The following TBX6 variants were observed in gnomAD, a reference collection of about 807,000 sequenced individuals.
TBX6 encodes the protein T-box transcription factor 6, also known as T-box transcription factor TBX6.
Under a neutral mutation model 42.3 loss-of-function variants are expected in TBX6, and 29 were observed. The ratio of observed to expected loss-of-function variants is 0.69; its 90% CI spans 0.51 to 0.93. The LOEUF is 0.93. TBX6 is among the 40% of genes least tolerant of loss of function. TBX6 has a pLI of 0.00. For missense variants in TBX6, 569 were observed against 603.3 expected, an observed-to-expected ratio of 0.94 and a Z score of 0.59; for synonymous variants, 249 against 245.1, an observed-to-expected ratio of 1.02 and a Z score of -0.15.
Position 30,088,487 on chromosome 16 carries a change from A to G in TBX6, c.839+58T>C. 1 of 1,609,852 alleles carries G rather than the reference A, an allele frequency of 6.2e-7. No homozygotes were observed. The highest frequency in any genetic ancestry group is 1.1e-5 in the South Asian group (1 of 90,986). ...ATGTCCAGCACGGTGCCTGGCACAC[A>G]GTGAGTGATTAATAAACATTTGTTG... On this transcript the variant is annotated intron_variant, in intron 6 of 8. Transcript: ENST00000395224. The surrounding 1 kb of genome is among the most constrained non-coding windows in gnomAD (Gnocchi z 4.1).
chr16:30,089,292 A>G (rs1201221409), intron 3 of TBX6, 82 bp from the exon 4 acceptor site: 14 of 1,517,746 alleles, frequency 9.2e-6, no homozygotes, highest in Non-Finnish European at 1.2e-5. Context: ...GGACATAACA[A>G]CGGGCTCCCC....
At position 30,086,260 on chromosome 16, in the gene TBX6, C is replaced by T. The variant is rs776999739; in HGVS notation, c.1276G>A (p.Gly426Ser). 2.6e-5 allele frequency: 42 copies of T among 1,611,972 alleles called. No individual in the cohort carries two copies. In the Middle Eastern group the frequency reaches 8.1e-4, roughly 31 times the overall value. Reference protein sequence around the residue: ...PFPLPYTAPGGYLDVGSKPMY With the variant: ...PFPLPYTAPGSYLDVGSKPMY ...GGTTTGGAGCCCACATCCAGATAGC[C>T]CCCAGGCGCGGTGTATGGTAGAGGG... Residue 426 changes from glycine to serine, a missense_variant, in exon 9 of 9, where the codon GGC (glycine) becomes AGC (serine). This residue lies in a region of TBX6 where 245 missense variants were observed against 227.4 expected (regional missense o/e 1.08). Coordinates refer to ENST00000395224, the MANE Select transcript of TBX6 (RefSeq NM_004608.4). This position sits in a 1 kb window ranked among gnomAD's most constrained non-coding sequence, Gnocchi z 4.6.
At chr16:30,091,051 C>T (rs779450672) in intron 2 of TBX6, 25 bp downstream of exon 2, 1 of 1,589,688 alleles carries the variant, frequency 6.3e-7, no homozygotes, top group East Asian at 2.3e-5. Context: ...TATTCTCCTA[C>T]CCAGGAGCTG....
At position 30,085,866 on chromosome 16, in the gene TBX6, C is replaced by G; in HGVS notation, c.*359G>C. ...GTCCCAGAACAACAGACTGGTGTGG[C>G]CTGCACCAGTGTGTGTGGGGGGGTG... On this transcript the variant is annotated 3_prime_UTR_variant, in exon 9 of 9. Transcript: ENST00000395224. The G allele has an allele frequency of 3.2e-6, 1 of 316,310 alleles. No individual in the cohort carries two copies. 19.6% of individuals were successfully genotyped at this position (316,310 alleles called of 1,614,324 possible). A position where few individuals can be genotyped will look rare whatever the true frequency, so the allele number is the denominator to read the frequency against.
chr16:30,089,270 G>C, intron 3 of TBX6, 60 bp from the exon 4 acceptor site: 1 of 1,564,584 alleles, frequency 6.4e-7, no homozygotes, highest in Non-Finnish European at 8.7e-7. Context: ...GGTGGGCCCA[G>C]CACCAGTAAC....
rs770702951 is a variant in TBX6 at position 30,085,950 on chromosome 16, G to A, written c.*275C>T. On this transcript the variant is annotated 3_prime_UTR_variant, in exon 9 of 9. Coordinates refer to ENST00000395224, the MANE Select transcript of TBX6 (RefSeq NM_004608.4). ...CTGGTAAGTGGGGATGCTGGTCTGT[G>A]GCCCCATTTGGCCAGGCAGAGCCCC... is the stretch of plus-strand genomic sequence containing the variant. The A allele has an allele frequency of 1.1e-5, 5 of 465,330 alleles. No individual in the cohort carries two copies. The highest frequency in any genetic ancestry group is 1.9e-5 in the Non-Finnish European group (5 of 262,376). The allele number at this position is 465,330 out of a possible 1,614,324, so 28.8% of individuals were successfully genotyped here.
intron 6 of TBX6, among the ~76,000 whole-genome samples, chr16:30,087,444 C>T (rs751494270): frequency 5.3e-5 from 8 of 152,122 alleles, no homozygotes; most frequent in Non-Finnish European, 1.2e-4. Context: ...CCCTGACCTC[C>T]GAGAGCACAC....
chr16:30,087,254 T>C (rs1201997367), intron 6 of TBX6, among the ~76,000 whole-genome samples: 1 of 152,076 alleles, frequency 6.6e-6, no homozygotes, highest in African/African-American at 2.4e-5. Context: ...GATGGGGTCT[T>C]GCTATGTTGC....
At chr16:30,090,690 C>T (rs2151033580) in intron 3 of TBX6, 68 bp downstream of exon 3, 1 of 1,486,042 alleles carries the variant, frequency 6.7e-7, no homozygotes, top group Non-Finnish European at 9.0e-7. Flanking sequence ...GTCCTAGCCC[C>T]CTCCCCAGGG....
rs1046114699 is a variant in TBX6, at chr16:30,088,497, T to A, written c.839+48A>T. On this transcript the variant is annotated intron_variant, in intron 6 of 8. Coordinates refer to ENST00000395224, the MANE Select transcript of TBX6 (RefSeq NM_004608.4). The surrounding 1 kb of genome is among the most constrained non-coding windows in gnomAD (Gnocchi z 4.1). ...CGGTGCCTGGCACACAGTGAGTGAT[T>A]AATAAACATTTGTTGAATGCATGAA... 3 of 1,612,754 alleles carry A rather than the reference T, an allele frequency of 1.9e-6. No homozygotes were observed. The highest frequency in any genetic ancestry group is 3.3e-4 in the Middle Eastern group (2 of 6,056).
Position 30,091,217 on chromosome 16 carries a change from G to T in TBX6, c.-24C>A, listed in dbSNP as rs1183481025. 3.3e-6 allele frequency: 5 copies of T among 1,527,374 alleles called. No individual in the cohort carries two copies. The highest frequency in any genetic ancestry group is 4.4e-6 in the Non-Finnish European group (5 of 1,137,336). 94.6% of individuals were successfully genotyped at this position (1,527,374 alleles called of 1,614,324 possible). On this transcript the variant is annotated 5_prime_UTR_variant, in exon 2 of 9. Transcript: ENST00000395224. ...ATGTTGTAGTTCCGTCTGGCCTCAGGTCTCGCTGCTTAGGGCCCCCGGTGC... is the reference window on the plus strand; with the variant it reads ...ATGTTGTAGTTCCGTCTGGCCTCAGTTCTCGCTGCTTAGGGCCCCCGGTGC...
Position 30,088,724 on chromosome 16 carries a change from A to G in TBX6, c.737T>C (p.Phe246Ser). Residue 246 changes from phenylalanine (F) to serine (S), a missense_variant, in exon 5 of 9, where the codon TTC (phenylalanine) becomes TCC (serine). Coordinates refer to ENST00000395224, the MANE Select transcript of TBX6 (RefSeq NM_004608.4). This position sits in a 1 kb window ranked among gnomAD's most constrained non-coding sequence, Gnocchi z 4.1. The stretch of plus-strand genomic sequence containing the variant: ...GTTCTGGTAGGCTGTCACGGAGATG[A>G]ATGTGGTCTCGGGGAAGCGGAAGGA... ...MASFRFPETT[F>S]ISVTAYQNPQ... is the part of the protein sequence containing the mutation. 1 of 1,613,996 alleles carries G rather than the reference A, an allele frequency of 6.2e-7. No homozygotes were observed. The highest frequency in any genetic ancestry group is 1.3e-5 in the African/African-American group (1 of 75,016).
chr16:30,086,449 G>C lies in TBX6; in HGVS notation c.1098-11C>G. 1 of 1,503,022 alleles carries C rather than the reference G, an allele frequency of 6.7e-7. No homozygotes were observed. The highest frequency in any genetic ancestry group is 8.8e-7 in the Non-Finnish European group (1 of 1,130,178). The allele number at this position is 1,503,022 out of a possible 1,614,324, so 93.1% of individuals were successfully genotyped here. A position where few individuals can be genotyped will look rare whatever the true frequency, so the allele number is the denominator to read the frequency against. ...GGGAAGCTGGGGCTCCTGACATGGA[G>C]AGAGGGATGTCAGAGCAGGGCAGAG... On this transcript the variant is annotated splice_polypyrimidine_tract_variant and intron_variant, in intron 8 of 8. Coordinates refer to ENST00000395224, the MANE Select transcript of TBX6 (RefSeq NM_004608.4). The surrounding 1 kb of genome is among the most constrained non-coding windows in gnomAD (Gnocchi z 4.6).
rs755612708 is a variant in TBX6, at chr16:30,088,932, C to T, written c.621+11G>A. 3.1e-6 allele frequency: 5 copies of T among 1,604,566 alleles called. No individual in the cohort carries two copies. The African/African-American group carries it at 5.3e-5, about 17-fold the overall frequency. On this transcript the variant is annotated intron_variant, in intron 4 of 8. Coordinates refer to ENST00000395224, the MANE Select transcript of TBX6 (RefSeq NM_004608.4). This position sits in a 1 kb window ranked among gnomAD's most constrained non-coding sequence, Gnocchi z 4.1. ...CCCAACCCTATCCTGGAGTCCCAGCCTGGGCCTCACGTGGCCGTGGGGGTC... is the reference window on the plus strand; with the variant it reads ...CCCAACCCTATCCTGGAGTCCCAGCTTGGGCCTCACGTGGCCGTGGGGGTC...
In TBX6 at chr16:30,088,382, T is replaced by C. The variant is rs2072671007; in HGVS notation, c.839+163A>G. On this transcript the variant is annotated intron_variant, in intron 6 of 8. Transcript: ENST00000395224. This position sits in a 1 kb window ranked among gnomAD's most constrained non-coding sequence, Gnocchi z 4.1. ...TTGTTTTATCTCCAGTGCCTGGAAC[T>C]GTCCCTGGCACATAGCAGGTACTAT... The C allele has an allele frequency of 1.0e-6, 1 of 988,894 alleles. No individual in the cohort carries two copies. The highest frequency in any genetic ancestry group is 1.5e-6 in the Non-Finnish European group (1 of 655,072). 61.3% of individuals were successfully genotyped at this position (988,894 alleles called of 1,614,324 possible).
At chr16:30,089,684 C>T (rs1325673548) in intron 3 of TBX6, among the ~76,000 whole-genome samples, 1 of 151,980 alleles carries the variant, frequency 6.6e-6, no homozygotes, top group Non-Finnish European at 1.5e-5. Context: ...GTAATCTCAG[C>T]ACTTTAGGAA....
rs2072618679 is a variant in TBX6, at chr16:30,085,949, T to C, written c.*276A>G. 2.2e-6 allele frequency: 1 copy of C among 461,168 alleles called. No individual in the cohort carries two copies. Among genetic ancestry groups the C allele is most frequent in the Non-Finnish European group, 3.9e-6 (1 of 259,726 alleles). The allele number at this position is 461,168 out of a possible 1,614,324, so 28.6% of individuals were successfully genotyped here. A position where few individuals can be genotyped will look rare whatever the true frequency, so the allele number is the denominator to read the frequency against. ...CCTGGTAAGTGGGGATGCTGGTCTGTGGCCCCATTTGGCCAGGCAGAGCCC... is the reference window on the plus strand; with the variant it reads ...CCTGGTAAGTGGGGATGCTGGTCTGCGGCCCCATTTGGCCAGGCAGAGCCC... On this transcript the variant is annotated 3_prime_UTR_variant, in exon 9 of 9. Coordinates refer to ENST00000395224, the MANE Select transcript of TBX6 (RefSeq NM_004608.4).
chr16:30,088,470 C>T lies in TBX6; in HGVS notation c.839+75G>A, dbSNP rs757799521. 21 of 1,597,878 alleles carry T rather than the reference C, an allele frequency of 1.3e-5. No individual in the cohort carries two copies. The East Asian group carries it at 4.0e-4, about 31-fold the overall frequency. Reference sequence around the variant, plus strand: ...TTACCACTGCATTTCTGATGTCCAGCACGGTGCCTGGCACACAGTGAGTGA... The same window carrying T: ...TTACCACTGCATTTCTGATGTCCAGTACGGTGCCTGGCACACAGTGAGTGA... On this transcript the variant is annotated intron_variant, in intron 6 of 8. Transcript: ENST00000395224. The surrounding 1 kb of genome is among the most constrained non-coding windows in gnomAD (Gnocchi z 4.1).
In TBX6 at chr16:30,086,498, CCT is replaced by C. The variant is rs779589978; in HGVS notation, c.1097+12_1097+13del. 2.8e-5 allele frequency: 42 copies of C among 1,493,110 alleles called. No individual in the cohort carries two copies. Among genetic ancestry groups the C allele is most frequent in the Admixed American group, 2.7e-4 (10 of 37,178 alleles). 92.5% of individuals were successfully genotyped at this position (1,493,110 alleles called of 1,614,324 possible). On this transcript the variant is annotated intron_variant, in intron 8 of 8. Transcript: ENST00000395224. This position sits in a 1 kb window ranked among gnomAD's most constrained non-coding sequence, Gnocchi z 4.6. ...AGGGACCCGCAGCCCCGCCTGGTCC[CCT>C]GTCCCACTCACCTGGTGGGAAGGTG...
Sources: allele counts gnomAD v4.1 joint callset (sites outside exome capture counted in the v4.1 genomes callset), GRCh38; gene constraint gnomAD v4.1.1; regional missense constraint gnomAD v4.1.1; non-coding constraint Gnocchi (gnomAD v3.1); transcripts MANE v1.5; gene names NCBI Gene and HGNC (gene_info 2026-07-23, HGNC 2026-07-21).